Variants in SALL3 observed in about 807,000 individuals in gnomAD.
The protein encoded by SALL3 is spalt like transcription factor 3, also known as sal-like protein 3.
SALL3 carries 25 observed loss-of-function variants against 66.2 expected under a neutral mutation model. That is an observed-to-expected ratio of 0.38 (90% CI 0.28 to 0.53). The LOEUF is 0.53. SALL3 is among the 20% of genes least tolerant of loss of function. The pLI is 0.85. For missense variants in SALL3, 2,194 were observed against 1,916.5 expected (o/e 1.14, Z -2.70); for synonymous variants, 1,152 against 899.1 (o/e 1.28, Z -5.03).
intron 1 of SALL3, among the ~76,000 whole-genome samples, chr18:78,982,550 C>T (rs750251766): frequency 2.6e-5 from 4 of 152,182 alleles, no homozygotes; most frequent in African/African-American, 4.8e-5. Flanking sequence ...AACAGACACT[C>T]TGTTCCGTGT....
Position 78,994,136 on chromosome 18 carries a change from C to T in SALL3, c.2145C>T (p.Ala715=), listed in dbSNP as rs148892649. Residue 715 remains alanine, a synonymous_variant, in exon 2 of 3, where the codon GCC becomes GCT. Coordinates refer to ENST00000537592, the MANE Select transcript of SALL3 (RefSeq NM_171999.4). The part of the protein sequence containing the change: ...RPFKCKICGR[A]FTTKGNLKTH... Reference sequence around the variant, plus strand: ...TCAAGTGCAAGATCTGCGGCCGCGCCTTCACCACCAAGGGCAACCTCAAGA... The same window carrying T: ...TCAAGTGCAAGATCTGCGGCCGCGCTTTCACCACCAAGGGCAACCTCAAGA... The T allele has an allele frequency of 8.1e-6, 13 of 1,612,922 alleles. No individual in the cohort carries two copies. The highest frequency in any genetic ancestry group is 4.5e-5 in the East Asian group (2 of 44,890).
At position 78,993,392 on chromosome 18, in the gene SALL3, C is replaced by T. The variant is rs764219706; in HGVS notation, c.1401C>T (p.Phe467=). The change falls in exon 2 of 3, where the codon TTC becomes TTT. Residue 467 remains phenylalanine (F), a synonymous_variant. Transcript: ENST00000537592. The part of the protein sequence containing the change: ...FSTKGNLKVH[F]QRHKEKYPHI... Reference sequence around the variant, plus strand: ...CCAAAGGCAACCTGAAGGTGCACTTCCAGAGGCACAAGGAGAAGTACCCCC... The same window carrying T: ...CCAAAGGCAACCTGAAGGTGCACTTTCAGAGGCACAAGGAGAAGTACCCCC... The T allele has an allele frequency of 7.4e-6, 12 of 1,612,732 alleles. No individual in the cohort carries two copies. The highest frequency in any genetic ancestry group is 1.0e-5 in the Non-Finnish European group (12 of 1,179,878).
chr18:78,987,910 T>G (rs493105), intron 1 of SALL3, among the ~76,000 whole-genome samples: 1 of 152,184 alleles, frequency 6.6e-6, no homozygotes, highest in Non-Finnish European at 1.5e-5. Flanking sequence ...TTGAATAGTG[T>G]GCAAAAAATA....
chr18:78,994,458 C>A lies in SALL3; in HGVS notation c.2467C>A (p.Leu823Met). The A allele has an allele frequency of 6.2e-7, 1 of 1,612,642 alleles. No individual in the cohort carries two copies. The highest frequency in any genetic ancestry group is 8.5e-7 in the Non-Finnish European group (1 of 1,179,848). ...GGCCACCGACCCGGCCAAGCCACTC[C>A]TGTCCTACGCGGGGTCCTGCCCGCC... ...DAATDPAKPL[L>M]SYAGSCPPSP... Residue 823 changes from leucine to methionine, a missense_variant, in exon 2 of 3, where the codon CTG becomes ATG. By Grantham distance (15) the Leu-to-Met change is conservative (BLOSUM62 2). Coordinates refer to ENST00000537592, the MANE Select transcript of SALL3 (RefSeq NM_171999.4).
chr18:78,991,455 T>A (rs1365056788), intron 1 of SALL3, among the ~76,000 whole-genome samples: 1 of 151,840 alleles, frequency 6.6e-6, no homozygotes, highest in Non-Finnish European at 1.5e-5. Flanking sequence ...AAGAAACGCT[T>A]ATGTTTCCTT....
chr18:78,994,070 G>A lies in SALL3; in HGVS notation c.2079G>A (p.Ala693=). The part of the protein sequence containing the change: ...ICHRVLSCQS[A]LKMHYRTHTG... Reference sequence around the variant, plus strand: ...ACCGGGTGCTGAGCTGCCAGAGCGCGCTGAAGATGCACTACCGGACGCACA... The same window carrying A: ...ACCGGGTGCTGAGCTGCCAGAGCGCACTGAAGATGCACTACCGGACGCACA... Residue 693 remains alanine (A), a synonymous_variant, in exon 2 of 3, where the codon GCG becomes GCA. Coordinates refer to ENST00000537592, the MANE Select transcript of SALL3 (RefSeq NM_171999.4). The A allele has an allele frequency of 2.5e-6, 4 of 1,612,976 alleles. No homozygotes were observed. The highest frequency in any genetic ancestry group is 2.5e-6 in the Non-Finnish European group (3 of 1,179,974).
At chr18:78,989,409 TCA>T (rs775865046) in intron 1 of SALL3, among the ~76,000 whole-genome samples, 54 of 152,340 alleles carry the variant, frequency 3.5e-4, no homozygotes, top group Non-Finnish European at 7.4e-4. Flanking sequence ...GTGATATTTA[TCA>T]CACACTATGG....
chr18:78,994,145 C>T lies in SALL3; in HGVS notation c.2154C>T (p.Thr718=). 2 of 1,613,068 alleles carry T rather than the reference C, an allele frequency of 1.2e-6. No individual in the cohort carries two copies. Among genetic ancestry groups the T allele is most frequent in the Non-Finnish European group, 1.7e-6 (2 of 1,179,992 alleles). Residue 718 remains threonine (T), a synonymous_variant, in exon 2 of 3, where the codon ACC becomes ACT. Coordinates refer to ENST00000537592, the MANE Select transcript of SALL3 (RefSeq NM_171999.4). ...KCKICGRAFT[T]KGNLKTHFGV... ...AGATCTGCGGCCGCGCCTTCACCAC[C>T]AAGGGCAACCTCAAGACGCACTTCG...
chr18:78,992,460 C>G lies in SALL3; in HGVS notation c.469C>G (p.Pro157Ala), dbSNP rs1027197484. The change falls in exon 2 of 3, where the codon CCC becomes GCC. Residue 157 changes from proline to alanine, a missense_variant. Pro to Ala is a conservative substitution (Grantham distance 27, BLOSUM62 -1). Coordinates refer to ENST00000537592, the MANE Select transcript of SALL3 (RefSeq NM_171999.4). ...PPPAAPAPPT[P>A]AYGAPSTNVT... ...GCCTGCGGCCCCTGCACCCCCAACG[C>G]CCGCCTACGGCGCGCCCAGCACCAA... The G allele has an allele frequency of 3.8e-4, 542 of 1,436,824 alleles. 1 individual carries two copies. Among genetic ancestry groups the G allele is most frequent in the Non-Finnish European group, 4.7e-4 (515 of 1,099,824 alleles). 89.0% of individuals were successfully genotyped at this position (1,436,824 alleles called of 1,614,324 possible).
rs1914753099 is a variant in SALL3, at chr18:78,997,872, TA to T, written c.*551del. 7.4e-6 allele frequency: 1 copy of T among 135,428 alleles called. No homozygotes were observed. The highest frequency in any genetic ancestry group is 8.3e-5 in the Admixed American group (1 of 12,078). 8.4% of individuals were successfully genotyped at this position (135,428 alleles called of 1,614,324 possible). A position where few individuals can be genotyped will look rare whatever the true frequency, so the allele number is the denominator to read the frequency against. The stretch of plus-strand genomic sequence containing the variant: ...TAAACGAAGCTTTTGTACTGCAGAA[TA>T]CATCTGGCTGTGTGATTTTTTTTTT... On this transcript the variant is annotated 3_prime_UTR_variant, in exon 3 of 3. Coordinates refer to ENST00000537592, the MANE Select transcript of SALL3 (RefSeq NM_171999.4).
At position 78,980,088 on chromosome 18, in the gene SALL3, C is replaced by A. The variant is rs1340209296; in HGVS notation, c.-187C>A. Among the ~76,000 whole-genome samples, 1 of 145,912 alleles carries A rather than the reference C, an allele frequency of 6.9e-6. No homozygotes were observed. Among genetic ancestry groups the A allele is most frequent in the African/African-American group, 2.5e-5 (1 of 40,664 alleles). On this transcript the variant is annotated 5_prime_UTR_variant, in exon 1 of 3. Coordinates refer to ENST00000537592, the MANE Select transcript of SALL3 (RefSeq NM_171999.4). ...CGGAGTCCGCTGGAGCCCGGCCAAT[C>A]GGCGCGGCCCTCCGCTAATGGCCAT... is the stretch of plus-strand genomic sequence containing the variant.
rs1251328391 is a variant in SALL3, at chr18:78,997,054, G to A, written c.3635G>A (p.Trp1212Ter). ...GCAATGAACGTCGACCCCAGTTTTT[G>A]GAACCAGTATGCTGCAGCCATCACT... ...ARAMNVDPSF[W>*]NQYAAAITNG... is the part of the protein sequence containing the mutation. The change falls in exon 3 of 3, where the codon TGG (tryptophan) becomes TAG (stop). Residue 1212 changes from tryptophan to a stop codon, truncating the protein, a stop_gained. Transcript: ENST00000537592. LOFTEE classifies it high-confidence loss of function. 6.2e-7 allele frequency: 1 copy of A among 1,614,138 alleles called. No individual in the cohort carries two copies. The highest frequency in any genetic ancestry group is 2.2e-5 in the East Asian group (1 of 44,880).
At position 78,992,308 on chromosome 18, in the gene SALL3, G is replaced by T. The variant is rs750222429; in HGVS notation, c.317G>T (p.Arg106Leu). The change falls in exon 2 of 3, where the codon CGC becomes CTC. Residue 106 changes from arginine to leucine, a missense_variant. Physicochemically the swap from Arg to Leu is moderately radical, Grantham distance 102. Coordinates refer to ENST00000537592, the MANE Select transcript of SALL3 (RefSeq NM_171999.4). ...TCGCCCGCCAGCTCCCCCAGCGAGC[G>T]CGCCGAAAGCGAGGCGGCCGAGGAG... The part of the protein sequence containing the change: ...EPSPASSPSE[R>L]AESEAAEEAG... 21 of 1,501,502 alleles carry T rather than the reference G, an allele frequency of 1.4e-5. No individual in the cohort carries two copies. The highest frequency in any genetic ancestry group is 1.6e-5 in the Non-Finnish European group (18 of 1,134,568). The allele number at this position is 1,501,502 out of a possible 1,614,324, so 93.0% of individuals were successfully genotyped here.
intron 2 of SALL3, among the ~76,000 whole-genome samples, chr18:78,995,675 C>T (rs1462371016): frequency 1.4e-5 from 2 of 141,194 alleles, no homozygotes; most frequent in East Asian, 2.1e-4. Flanking sequence ...GTAGCGTGTA[C>T]CTATGTGTGT....
At chr18:78,995,625 TA>T (rs1914665091) in intron 2 of SALL3, among the ~76,000 whole-genome samples, 163 bp downstream of exon 2, 1 of 151,974 alleles carries the variant, frequency 6.6e-6, no homozygotes, top group Admixed American at 6.6e-5. Flanking sequence ...GTGCGTGTTA[TA>T]GGGTGTGATA....
At position 78,980,179 on chromosome 18, in the gene SALL3, C is replaced by T. The variant is rs952286741; in HGVS notation, c.-96C>T. 1.4e-5 allele frequency: 5 copies of T among 347,978 alleles called. No homozygotes were observed. Among genetic ancestry groups the T allele is most frequent in the African/African-American group, 4.5e-5 (2 of 44,274 alleles). 21.6% of individuals were successfully genotyped at this position (347,978 alleles called of 1,614,324 possible). On this transcript the variant is annotated 5_prime_UTR_variant, in exon 1 of 3. Transcript: ENST00000537592. ...CCGCGCAGCCGCCGCCGCCCCGCGC[C>T]CCGCGCCGCGCGCCCGCCAGGCCGC... is the stretch of plus-strand genomic sequence containing the variant.
At chr18:78,992,043 C>T (rs753330640) in intron 1 of SALL3, 31 bp from the exon 2 acceptor site, 3 of 1,393,220 alleles carry the variant, frequency 2.2e-6, no homozygotes, top group Admixed American at 3.4e-5. Context: ...GGGCGCCGAG[C>T]CCCGGCTGAC....
In SALL3 at chr18:78,995,140, CTAG is replaced by C. The variant is rs1568297006; in HGVS notation, c.3150_3152del (p.Ser1051del). The C allele has an allele frequency of 6.2e-7, 1 of 1,613,678 alleles. No homozygotes were observed. Among genetic ancestry groups the C allele is most frequent in the Admixed American group, 1.7e-5 (1 of 60,028 alleles). ...GCTCTAGGTCCCAGCCAAAGCACTC[CTAG>C]CCTGATCTCCAGCGCCGCACCCACC... On this transcript the variant is annotated inframe_deletion, in exon 2 of 3. Transcript: ENST00000537592.
At chr18:78,989,352 GGGTCAGGAC>G (rs1568291493) in intron 1 of SALL3, among the ~76,000 whole-genome samples, 1 of 152,126 alleles carries the variant, frequency 6.6e-6, no homozygotes, top group African/African-American at 2.4e-5. Context: ...AGATTTGTTT[GGGTCAGGAC>G]CTTTGCAAAA....
Sources: gnomAD v4.1 joint callset for allele counts (sites outside exome capture counted in the v4.1 genomes callset) on GRCh38, gnomAD v4.1.1 for gene constraint, MANE v1.5 for transcripts, NCBI Gene and HGNC (gene_info 2026-07-23, HGNC 2026-07-21) for gene names.